Variants in LRRC4C observed in about 807,000 individuals in gnomAD.
The protein encoded by LRRC4C is leucine-rich repeat-containing protein 4C.
A neutral mutation model predicts 33.6 loss-of-function variants in LRRC4C; 5 were observed. That is an observed-to-expected ratio of 0.15 (90% CI 0.08 to 0.31). The LOEUF (loss-of-function observed/expected upper bound fraction) is 0.31, where lower values mean the gene tolerates loss of function less well. Ranked by LOEUF, LRRC4C falls within the 10% of genes least tolerant of loss-of-function variation. The pLI, the probability that LRRC4C is intolerant of heterozygous loss-of-function variation, is 1.00. For missense variants in LRRC4C, 560 were observed against 796.7 expected (o/e 0.70, Z 3.58); for synonymous variants, 329 against 302.0 (o/e 1.09, Z -0.93).
At chr11:41,072,821 CAAAT>C (rs1938807861) in intron 1 of LRRC4C, among the ~76,000 whole-genome samples, 1 of 152,154 alleles carries the variant, frequency 6.6e-6, no homozygotes, top group African/African-American at 2.4e-5. Flanking sequence ...CCCATTCTAT[CAAAT>C]AACACTCATC....
chr11:40,481,904 G>A (rs1017690161), intron 3 of LRRC4C, among the ~76,000 whole-genome samples: 1 of 152,002 alleles, frequency 6.6e-6, no homozygotes, highest in Admixed American at 6.6e-5. Context: ...GGTGTACCTC[G>A]GCAAACATCA....
intron 3 of LRRC4C, among the ~76,000 whole-genome samples, chr11:40,416,214 G>A (rs996723978): frequency 2.6e-5 from 4 of 152,092 alleles, no homozygotes; most frequent in African/African-American, 9.7e-5. Context: ...CTTGCACTGG[G>A]CTCTACAAAT....
chr11:41,006,320 C>T (rs966922313), intron 1 of LRRC4C, among the ~76,000 whole-genome samples: 21 of 152,150 alleles, frequency 1.4e-4, no homozygotes, highest in Non-Finnish European at 2.9e-4. Context: ...AATCACTAAT[C>T]TAAAGCTAGT....
chr11:41,324,564 C>A (rs1951052547), intron 1 of LRRC4C, among the ~76,000 whole-genome samples: 1 of 152,146 alleles, frequency 6.6e-6, no homozygotes, highest in South Asian at 2.1e-4. Context: ...GAATGACATC[C>A]TATCTGTAAA....
intron 1 of LRRC4C, among the ~76,000 whole-genome samples, chr11:40,948,838 G>A (rs1958551184): frequency 6.6e-6 from 1 of 151,872 alleles, no homozygotes; most frequent in Admixed American, 6.6e-5. Context: ...ACGTGTGCAT[G>A]TGTCTTTATA....
intron 3 of LRRC4C, among the ~76,000 whole-genome samples, chr11:40,322,309 G>A (rs930467871): frequency 1.3e-5 from 2 of 151,896 alleles, no homozygotes; most frequent in South Asian, 2.1e-4. Context: ...GCAGTGGTGC[G>A]ATCTCAGCTC....
At chr11:41,357,938 A>G (rs1952220192) in intron 1 of LRRC4C, among the ~76,000 whole-genome samples, 1 of 152,156 alleles carries the variant, frequency 6.6e-6, no homozygotes, top group Admixed American at 6.5e-5. Context: ...CAAAAGACCC[A>G]GAATACTCAA....
At chr11:40,166,896 T>C (rs1565079127) in intron 5 of LRRC4C, among the ~76,000 whole-genome samples, 1 of 152,148 alleles carries the variant, frequency 6.6e-6, no homozygotes, top group African/African-American at 2.4e-5. Flanking sequence ...TACATTTTAT[T>C]CTGAGTCACA....
chr11:40,647,046 A>G (rs1339060108), intron 3 of LRRC4C, among the ~76,000 whole-genome samples: 3 of 152,206 alleles, frequency 2.0e-5, no homozygotes, highest in Admixed American at 6.5e-5. Context: ...AAACAAAGTG[A>G]TATCTCTGAA....
intron 1 of LRRC4C, among the ~76,000 whole-genome samples, chr11:41,015,321 A>C (rs1855500705): frequency 6.6e-6 from 1 of 152,072 alleles, no homozygotes; most frequent in Non-Finnish European, 1.5e-5. Context: ...ATATATTTTA[A>C]AATTTTGTTA....
chr11:41,377,819 T>C (rs1290884672), intron 1 of LRRC4C, among the ~76,000 whole-genome samples: 1 of 152,150 alleles, frequency 6.6e-6, no homozygotes, highest in Non-Finnish European at 1.5e-5. Context: ...TGCCACTCAG[T>C]CCCTTTACTG....
chr11:41,202,641 G>T (rs186920178), intron 1 of LRRC4C, among the ~76,000 whole-genome samples: 1 of 151,956 alleles, frequency 6.6e-6, no homozygotes, highest in Admixed American at 6.6e-5. Flanking sequence ...CGACATTGCC[G>T]TGTTTTTTGG....
intron 3 of LRRC4C, among the ~76,000 whole-genome samples, chr11:40,438,926 C>CTTTT (rs869144067): frequency 6.5e-5 from 7 of 106,902 alleles, no homozygotes; most frequent in Admixed American, 2.2e-4. Context: ...TGAATTGCTA[C>CTTTT]TTTTTTTTTT....
chr11:40,715,583 T>G (rs2136633635), intron 2 of LRRC4C, among the ~76,000 whole-genome samples: 2 of 152,340 alleles, frequency 1.3e-5, no homozygotes, highest in South Asian at 4.1e-4. Context: ...TCACTGGGTA[T>G]CACTGACAAG....
chr11:40,286,500 C>A (rs1298613229), intron 4 of LRRC4C, among the ~76,000 whole-genome samples: 2 of 152,068 alleles, frequency 1.3e-5, no homozygotes, highest in East Asian at 1.9e-4. Flanking sequence ...CATTGAAAAC[C>A]ATGATCAAAA....
intron 3 of LRRC4C, among the ~76,000 whole-genome samples, chr11:40,438,718 T>G (rs1951250485): frequency 1.3e-5 from 2 of 152,200 alleles, no homozygotes; most frequent in Admixed American, 1.3e-4. Context: ...ATTTCTTGCC[T>G]GATTGGGGGA....
intron 1 of LRRC4C, among the ~76,000 whole-genome samples, chr11:41,328,624 C>T (rs1192141292): frequency 6.6e-6 from 1 of 152,150 alleles, no homozygotes; most frequent in Non-Finnish European, 1.5e-5. Context: ...CTCTACTGAA[C>T]ATAGCCATCT....
chr11:41,142,193 G>A (rs1047144938), intron 1 of LRRC4C, among the ~76,000 whole-genome samples: 2 of 151,924 alleles, frequency 1.3e-5, no homozygotes, highest in South Asian at 2.1e-4. Flanking sequence ...TTCAGCTGTC[G>A]CTAAGGCATA....
chr11:40,747,304 C>T (rs1439642229), intron 2 of LRRC4C, among the ~76,000 whole-genome samples: 1 of 152,164 alleles, frequency 6.6e-6, no homozygotes, highest in Non-Finnish European at 1.5e-5. Flanking sequence ...ACCACTGATG[C>T]TGTATATAGT....
Sources: allele counts gnomAD v4.1 joint callset (sites outside exome capture counted in the v4.1 genomes callset), GRCh38; gene constraint gnomAD v4.1.1; transcripts MANE v1.5; gene names NCBI Gene and HGNC (gene_info 2026-07-23, HGNC 2026-07-21).